Variants in NOL4 observed in about 807,000 individuals in gnomAD.
The protein encoded by NOL4 is nucleolar protein 4, also known as cancer/testis antigen 125.
In NOL4, 17 loss-of-function variants were observed where a neutral mutation model predicts 75.9. That is an observed-to-expected ratio of 0.22 (90% CI 0.15 to 0.34). The LOEUF (loss-of-function observed/expected upper bound fraction) is 0.34, where lower values mean the gene tolerates loss of function less well. NOL4 is among the 10% of genes least tolerant of loss of function. NOL4 has a pLI of 1.00. For synonymous variants in NOL4, 292 were observed against 289.9 expected (o/e 1.01, Z -0.07); for missense variants, 614 against 793.5 (o/e 0.77, Z 2.72).
chr18:33,974,764 A>T (rs1252333029), intron 6 of NOL4, among the ~76,000 whole-genome samples: 1 of 152,172 alleles, frequency 6.6e-6, no homozygotes, highest in Non-Finnish European at 1.5e-5. Flanking sequence ...TTGCAAAAAA[A>T]AAATTCACTA....
At chr18:34,107,854 A>G (rs2079382825) in intron 2 of NOL4, among the ~76,000 whole-genome samples, 1 of 152,142 alleles carries the variant, frequency 6.6e-6, no homozygotes, top group Admixed American at 6.6e-5. Flanking sequence ...AAATACCTTC[A>G]CAACAACTAA....
chr18:34,052,451 G>A (rs1162707118), intron 5 of NOL4, among the ~76,000 whole-genome samples: 1 of 151,942 alleles, frequency 6.6e-6, no homozygotes, highest in African/African-American at 2.4e-5. Flanking sequence ...AGCTGTACAA[G>A]TACTGAAAGA....
intron 1 of NOL4, among the ~76,000 whole-genome samples, chr18:34,130,542 T>C (rs1185418622): frequency 6.6e-6 from 1 of 152,026 alleles, no homozygotes; most frequent in Non-Finnish European, 1.5e-5. Flanking sequence ...CAATATGTGG[T>C]AAAGGTTAAA....
intron 1 of NOL4, among the ~76,000 whole-genome samples, chr18:34,209,322 G>A (rs577969667): frequency 6.6e-6 from 1 of 151,852 alleles, no homozygotes; most frequent in African/African-American, 2.4e-5. Flanking sequence ...AAATGTTGAT[G>A]GTAATAATTT....
At chr18:34,063,028 C>T (rs144560755) in intron 5 of NOL4, among the ~76,000 whole-genome samples, 1 of 152,106 alleles carries the variant, frequency 6.6e-6, no homozygotes, top group Non-Finnish European at 1.5e-5. Context: ...TAGCATTGAA[C>T]CCTTGCTTCT....
chr18:34,153,807 C>T (rs781549629), intron 1 of NOL4, among the ~76,000 whole-genome samples: 10 of 151,974 alleles, frequency 6.6e-5, no homozygotes, highest in Non-Finnish European at 1.0e-4. Context: ...GTCCAGTGAT[C>T]CACAGCCAGC....
At chr18:34,025,554 T>C (rs1310567282) in intron 5 of NOL4, among the ~76,000 whole-genome samples, 1 of 152,184 alleles carries the variant, frequency 6.6e-6, no homozygotes, top group African/African-American at 2.4e-5. Context: ...CCCCTCTTGA[T>C]CACTAATTCT....
chr18:34,135,004 C>T (rs555405868), intron 1 of NOL4, among the ~76,000 whole-genome samples: 1 of 151,860 alleles, frequency 6.6e-6, no homozygotes, highest in Non-Finnish European at 1.5e-5. Context: ...ACCTTAGTAA[C>T]CAGAAAAAGA....
At position 34,224,550 on chromosome 18, in the gene NOL4, A is replaced by G. The variant is rs1385664928; in HGVS notation, c.-1297T>C. The G allele has an allele frequency of 6.6e-6, 1 of 151,002 alleles. No homozygotes were observed. The highest frequency in any genetic ancestry group is 2.4e-5 in the African/African-American group (1 of 40,932). 9.4% of individuals were successfully genotyped at this position (151,002 alleles called of 1,614,324 possible). A position where few individuals can be genotyped will look rare whatever the true frequency, so the allele number is the denominator to read the frequency against. On this transcript the variant is annotated 5_prime_UTR_variant, in exon 1 of 11. Transcript: ENST00000261592. ...GGCTGCGGCCGCTCCTCTTTATTCTACTCTCACCCGAGGCCCGCGCCCGTC... is the reference window on the plus strand; with the variant it reads ...GGCTGCGGCCGCTCCTCTTTATTCTGCTCTCACCCGAGGCCCGCGCCCGTC...
intron 8 of NOL4, among the ~76,000 whole-genome samples, chr18:33,954,351 C>T (rs769675220): frequency 7.2e-5 from 11 of 152,120 alleles, no homozygotes; most frequent in East Asian, 1.9e-4. Flanking sequence ...CAGATCTATA[C>T]GGCTGACTAC....
intron 9 of NOL4, among the ~76,000 whole-genome samples, chr18:33,936,950 C>A (rs1036837434): frequency 1.3e-5 from 2 of 151,876 alleles, no homozygotes; most frequent in Non-Finnish European, 2.9e-5. Context: ...ACTATAAGAT[C>A]TTTTTGGTTT....
At chr18:34,163,236 GC>G (rs1237221627) in intron 1 of NOL4, among the ~76,000 whole-genome samples, 1 of 152,034 alleles carries the variant, frequency 6.6e-6, no homozygotes, top group Non-Finnish European at 1.5e-5. Context: ...GGAAGTTCTG[GC>G]CAGGGCAATT....
intron 9 of NOL4, among the ~76,000 whole-genome samples, chr18:33,911,810 G>T (rs534891270): frequency 1.3e-5 from 2 of 152,218 alleles, no homozygotes; most frequent in South Asian, 4.1e-4. Context: ...AAAAAGGCCT[G>T]CAGCAGAGAT....
intron 1 of NOL4, among the ~76,000 whole-genome samples, chr18:34,161,380 A>G (rs2031452805): frequency 6.6e-6 from 1 of 152,062 alleles, no homozygotes; most frequent in Non-Finnish European, 1.5e-5. Flanking sequence ...CCTCCACACT[A>G]TTTTCCATAA....
chr18:33,940,692 A>AAAAAC lies in NOL4; in HGVS notation c.1542+2368_1542+2372dup, dbSNP rs751876990. 7.3e-3 allele frequency among the ~76,000 whole-genome samples: 1,113 copies of AAAAAC among 152,066 alleles called. 9 individuals carry two copies. The highest frequency in any genetic ancestry group is 0.025 in the African/African-American group (1,020 of 41,480). On this transcript the variant is annotated intron_variant, in intron 9 of 10. Transcript: ENST00000261592. Reference sequence around the variant, plus strand: ...CATGTATCCCAGAACTTAAAGTACAAAAAACAAAACAAAACAAAACAAAAC... The same window carrying AAAAAC: ...CATGTATCCCAGAACTTAAAGTACAAAAAACAAAACAAAACAAAACAAAACAAAAC...
intron 10 of NOL4, among the ~76,000 whole-genome samples, chr18:33,863,442 C>T (rs894719254): frequency 2.6e-5 from 4 of 152,032 alleles, no homozygotes; most frequent in African/African-American, 9.7e-5. Context: ...AAAGTTACTT[C>T]CAAGATACAG....
In NOL4 at chr18:34,139,577, T is replaced by G. The variant is rs187987702; in HGVS notation, c.265-9557A>C. Among the ~76,000 whole-genome samples, 438 of 152,322 alleles carry G rather than the reference T, an allele frequency of 2.9e-3. 1 individual carries two copies. Among genetic ancestry groups the G allele is most frequent in the Admixed American group, 7.7e-3 (118 of 15,300 alleles). The stretch of plus-strand genomic sequence containing the variant: ...TTTGATTCTTCTCTCTTTTCTTCTT[T>G]ATTAGTCTTGCTAGCGCTCTATCAA... On this transcript the variant is annotated intron_variant, in intron 1 of 10. Transcript: ENST00000261592.
At chr18:33,995,070 A>T (rs2073176536) in intron 6 of NOL4, among the ~76,000 whole-genome samples, 1 of 151,690 alleles carries the variant, frequency 6.6e-6, no homozygotes, top group Admixed American at 6.6e-5. Context: ...AACTGACTTA[A>T]GCATAAGCAA....
chr18:33,932,419 C>T (rs1568083104), intron 9 of NOL4, among the ~76,000 whole-genome samples: 1 of 151,882 alleles, frequency 6.6e-6, no homozygotes, highest in Non-Finnish European at 1.5e-5. Flanking sequence ...AACTAAAATT[C>T]ATCTTTTATA....
Sources: gnomAD v4.1 joint callset for allele counts (sites outside exome capture counted in the v4.1 genomes callset) on GRCh38, gnomAD v4.1.1 for gene constraint, MANE v1.5 for transcripts, NCBI Gene and HGNC (gene_info 2026-07-23, HGNC 2026-07-21) for gene names.